BBS9: variants seen among roughly 807,000 people sequenced by gnomAD.
The protein encoded by BBS9 is protein PTHB1.
Under a neutral mutation model 117.7 loss-of-function variants are expected in BBS9, and 89 were observed. That is an observed-to-expected ratio of 0.76 (90% CI 0.64 to 0.90). BBS9 has a LOEUF of 0.90. Ranked by LOEUF, BBS9 falls within the 40% of genes least tolerant of loss-of-function variation. BBS9 has a pLI of 0.00. For missense variants in BBS9, 982 were observed against 1,042.2 expected (o/e 0.94, Z 0.80); for synonymous variants, 379 against 370.9 (o/e 1.02, Z -0.25).
intron 19 of BBS9, among the ~76,000 whole-genome samples, chr7:33,453,535 T>G (rs1338530318): frequency 6.6e-6 from 1 of 152,002 alleles, no homozygotes; most frequent in African/African-American, 2.4e-5. Context: ...TTTTTTTTTT[T>G]TCTGAGATGG....
intron 9 of BBS9, among the ~76,000 whole-genome samples, chr7:33,286,650 G>A (rs1456177974): frequency 6.6e-6 from 1 of 152,134 alleles, no homozygotes; most frequent in African/African-American, 2.4e-5. Flanking sequence ...GTTACTTACT[G>A]TAGAATATAA....
intron 17 of BBS9, among the ~76,000 whole-genome samples, chr7:33,379,440 T>C (rs565687613): frequency 6.6e-6 from 1 of 152,322 alleles, no homozygotes; most frequent in East Asian, 1.9e-4. Flanking sequence ...TTATTCTTTG[T>C]ATATATTTAG....
At chr7:33,384,174 A>C (rs1825603173) in intron 18 of BBS9, among the ~76,000 whole-genome samples, 1 of 152,224 alleles carries the variant, frequency 6.6e-6, no homozygotes, top group South Asian at 2.1e-4. Flanking sequence ...AACTAATTCT[A>C]GCAGGCCATA....
chr7:33,239,617 A>G (rs559916742), intron 5 of BBS9, among the ~76,000 whole-genome samples: 2 of 152,266 alleles, frequency 1.3e-5, no homozygotes, highest in South Asian at 4.2e-4. Flanking sequence ...ATGATATCAA[A>G]TATTTTAATC....
intron 19 of BBS9, among the ~76,000 whole-genome samples, chr7:33,464,651 A>C (rs895803646): frequency 6.6e-6 from 1 of 151,988 alleles, no homozygotes; most frequent in African/African-American, 2.4e-5. Flanking sequence ...GGTTGTAAAT[A>C]AAAAGTGCTA....
intron 19 of BBS9, among the ~76,000 whole-genome samples, chr7:33,495,160 C>T (rs1298644982): frequency 1.3e-5 from 2 of 152,216 alleles, no homozygotes; most frequent in Non-Finnish European, 2.9e-5. Flanking sequence ...GTCACTTTCA[C>T]CTCTTAAACT....
intron 20 of BBS9, among the ~76,000 whole-genome samples, chr7:33,507,928 T>G (rs1030322488): frequency 1.3e-5 from 2 of 152,224 alleles, no homozygotes; most frequent in African/African-American, 4.8e-5. Flanking sequence ...TGGCGTTTTT[T>G]ATTTGCTATT....
chr7:33,521,912 A>G (rs1238893025), intron 20 of BBS9, among the ~76,000 whole-genome samples: 1 of 84,690 alleles, frequency 1.2e-5, no homozygotes, highest in Non-Finnish European at 2.2e-5. Flanking sequence ...CCACCCCACC[A>G]CAGTCCCCAG....
chr7:33,444,936 A>G (rs921106189), intron 19 of BBS9, among the ~76,000 whole-genome samples: 1 of 152,194 alleles, frequency 6.6e-6, no homozygotes, highest in Admixed American at 6.5e-5. Flanking sequence ...TGGCTGGTTT[A>G]GTTGCTTCCA....
At chr7:33,543,361 C>T (rs531717337) in intron 21 of BBS9, among the ~76,000 whole-genome samples, 14 of 151,916 alleles carry the variant, frequency 9.2e-5, no homozygotes, top group African/African-American at 2.7e-4. Context: ...ATATTACTCC[C>T]TTGTCAGATG....
At chr7:33,479,454 A>T (rs190949759) in intron 19 of BBS9, among the ~76,000 whole-genome samples, 2 of 152,096 alleles carry the variant, frequency 1.3e-5, no homozygotes, top group Admixed American at 1.3e-4. Context: ...TTGTTTTTTT[A>T]TGGCTGCATA....
At chr7:33,290,990 A>G (rs926150575) in intron 9 of BBS9, among the ~76,000 whole-genome samples, 1 of 152,194 alleles carries the variant, frequency 6.6e-6, no homozygotes, top group African/African-American at 2.4e-5. Flanking sequence ...TTCAGTAAAT[A>G]TACCATTTTT....
At chr7:33,383,893 A>G in intron 18 of BBS9, 55 bp downstream of exon 18, 1 of 1,542,982 alleles carries the variant, frequency 6.5e-7, no homozygotes, top group Non-Finnish European at 8.9e-7. Context: ...TGAAAGAGAA[A>G]TAGATGCTAT....
At chr7:33,312,268 G>A (rs1334141388) in intron 9 of BBS9, among the ~76,000 whole-genome samples, 3 of 152,144 alleles carry the variant, frequency 2.0e-5, no homozygotes, top group African/African-American at 7.2e-5. Flanking sequence ...TTAGCACATA[G>A]CGTCTTGTGT....
chr7:33,307,097 C>G (rs1216870052), intron 9 of BBS9, among the ~76,000 whole-genome samples: 1 of 152,122 alleles, frequency 6.6e-6, no homozygotes, highest in Non-Finnish European at 1.5e-5. Flanking sequence ...CTGGTAAATG[C>G]AATATAGCAT....
intron 9 of BBS9, among the ~76,000 whole-genome samples, chr7:33,329,910 T>C (rs1345361223): frequency 1.3e-5 from 2 of 152,186 alleles, no homozygotes; most frequent in Admixed American, 6.5e-5. Flanking sequence ...TATTTTTATG[T>C]GTGAATTGTC....
intron 19 of BBS9, among the ~76,000 whole-genome samples, chr7:33,414,604 A>G (rs1056419811): frequency 3.9e-5 from 6 of 152,158 alleles, no homozygotes; most frequent in African/African-American, 1.4e-4. Flanking sequence ...TCATCTCAAG[A>G]TGAGTTTTCA....
intron 21 of BBS9, among the ~76,000 whole-genome samples, chr7:33,575,602 C>CA (rs1858679835): frequency 6.6e-6 from 1 of 151,862 alleles, no homozygotes; most frequent in Non-Finnish European, 1.5e-5. Flanking sequence ...AGAGACACAA[C>CA]AAAAAAAGAA....
chr7:33,175,098 G>A (rs1797141768), intron 4 of BBS9, among the ~76,000 whole-genome samples: 1 of 152,160 alleles, frequency 6.6e-6, no homozygotes, highest in African/African-American at 2.4e-5. Context: ...GAGGTCAGGA[G>A]TTTGAGACCA....
Sources: allele counts gnomAD v4.1 joint callset (sites outside exome capture counted in the v4.1 genomes callset), GRCh38; gene constraint gnomAD v4.1.1; transcripts MANE v1.5; gene names NCBI Gene and HGNC (gene_info 2026-07-23, HGNC 2026-07-21).